PTPRD: variants seen among roughly 807,000 people sequenced by gnomAD.
PTPRD encodes protein tyrosine phosphatase receptor type D, also known as receptor-type tyrosine-protein phosphatase delta.
PTPRD carries 34 observed loss-of-function variants against 214.5 expected under a neutral mutation model. The ratio of observed to expected loss-of-function variants is 0.16; its 90% CI spans 0.12 to 0.21. PTPRD has a LOEUF of 0.21. Among genes scored for constraint, PTPRD ranks in the 10% least tolerant of loss-of-function variants. PTPRD has a pLI of 1.00. For synonymous variants in PTPRD, 1,128 were observed against 845.7 expected, an observed-to-expected ratio of 1.33 and a Z score of -5.79; for missense variants, 2,545 against 2,398.7, an observed-to-expected ratio of 1.06 and a Z score of -1.27.
chr9:8,643,626 C>A (rs552328156), intron 12 of PTPRD, among the ~76,000 whole-genome samples: 5 of 152,250 alleles, frequency 3.3e-5, no homozygotes, highest in African/African-American at 4.8e-5. Context: ...CCTGCCACCA[C>A]TGCTCGCAGC....
intron 4 of PTPRD, among the ~76,000 whole-genome samples, chr9:9,967,122 C>T (rs965840059): frequency 7.9e-5 from 12 of 152,158 alleles, no homozygotes; most frequent in African/African-American, 2.4e-4. Flanking sequence ...GTTCTGTAGT[C>T]AGTCTGCCTG....
At chr9:10,004,477 C>T (rs896969563) in intron 4 of PTPRD, among the ~76,000 whole-genome samples, 10 of 151,844 alleles carry the variant, frequency 6.6e-5, no homozygotes, top group Non-Finnish European at 1.5e-4. Flanking sequence ...TTTCTTTTCA[C>T]ATAAAAATAT....
intron 4 of PTPRD, among the ~76,000 whole-genome samples, chr9:10,020,405 G>A (rs1324956650): frequency 6.8e-6 from 1 of 146,396 alleles, no homozygotes; most frequent in East Asian, 2.0e-4. Flanking sequence ...GGGTTCAAGC[G>A]ATTCTCTTGC....
intron 3 of PTPRD, among the ~76,000 whole-genome samples, chr9:10,239,421 T>C (rs2254561): frequency 0.99 from 150,376 of 152,072 alleles, 74,361 homozygotes; most frequent in Non-Finnish European, 1. Flanking sequence ...CAAGCATTAA[T>C]AAAATAAAAG....
intron 41 of PTPRD, among the ~76,000 whole-genome samples, chr9:8,340,868 T>C (rs1430279981): frequency 6.6e-6 from 1 of 152,088 alleles, no homozygotes; most frequent in Non-Finnish European, 1.5e-5. Context: ...ACATATCCAA[T>C]TGGCTTATGA....
intron 2 of PTPRD, among the ~76,000 whole-genome samples, chr9:10,382,286 T>C (rs1279749057): frequency 6.6e-6 from 1 of 152,000 alleles, no homozygotes; most frequent in East Asian, 1.9e-4. Flanking sequence ...GTTTGTATTC[T>C]TCTTCTTATG....
intron 8 of PTPRD, among the ~76,000 whole-genome samples, chr9:9,488,382 C>T (rs1589694952): frequency 6.6e-6 from 1 of 152,100 alleles, no homozygotes; most frequent in East Asian, 1.9e-4. Context: ...TGATGCCATA[C>T]TTTCCAGTAT....
rs1007239852 is a variant in PTPRD at position 9,370,600 on chromosome 9, T to C, written c.-203+26849A>G. ...CCTCTTTTCCTAATTGAATACCCTT[T>C]ATTTCCTTCTCCTGCCTGATTGCCC... On this transcript the variant is annotated intron_variant, in intron 9 of 45. Transcript: ENST00000381196. Among the ~76,000 whole-genome samples, 6 of 151,558 alleles carry C rather than the reference T, an allele frequency of 4.0e-5. No individual in the cohort carries two copies. The South Asian group carries it at 8.3e-4, about 21-fold the overall frequency.
chr9:9,877,803 G>A (rs2067311188), intron 5 of PTPRD, among the ~76,000 whole-genome samples: 1 of 151,810 alleles, frequency 6.6e-6, no homozygotes, highest in Admixed American at 6.6e-5. Context: ...GGAGAAACCT[G>A]TCTCTACTGA....
At chr9:8,472,074 G>A (rs1421762105) in intron 30 of PTPRD, among the ~76,000 whole-genome samples, 1 of 152,076 alleles carries the variant, frequency 6.6e-6, no homozygotes, top group Non-Finnish European at 1.5e-5. Context: ...AAGGCTACAA[G>A]GACTGGTCAC....
intron 17 of PTPRD, 130 bp from the exon 18 acceptor site, chr9:8,525,165 T>C: frequency 1.2e-6 from 1 of 803,794 alleles, no homozygotes. Flanking sequence ...TTCAATCTCT[T>C]GCTAAGTTGC....
intron 3 of PTPRD, among the ~76,000 whole-genome samples, chr9:10,134,329 G>T (rs1375495158): frequency 6.6e-6 from 1 of 152,144 alleles, no homozygotes; most frequent in Non-Finnish European, 1.5e-5. Flanking sequence ...TATGGGTGTG[G>T]CACCAGTGAT....
chr9:8,825,644 G>A (rs1196877938), intron 11 of PTPRD, among the ~76,000 whole-genome samples: 1 of 152,206 alleles, frequency 6.6e-6, no homozygotes, highest in Admixed American at 6.5e-5. Context: ...AGTGTAAAGT[G>A]AAAGTAAGTT....
At chr9:10,140,902 T>C (rs866244251) in intron 3 of PTPRD, among the ~76,000 whole-genome samples, 16 of 151,874 alleles carry the variant, frequency 1.1e-4, no homozygotes, top group Non-Finnish European at 1.2e-4. Flanking sequence ...TTATCCACCA[T>C]GATCAAGTGG....
chr9:9,143,484 T>C (rs2099863621), intron 10 of PTPRD, among the ~76,000 whole-genome samples: 1 of 152,202 alleles, frequency 6.6e-6, no homozygotes. Flanking sequence ...AGATCAGGCA[T>C]TGAAAGGGAG....
chr9:9,895,358 T>C (rs2074652029), intron 5 of PTPRD, among the ~76,000 whole-genome samples: 1 of 149,328 alleles, frequency 6.7e-6, no homozygotes, highest in African/African-American at 2.6e-5. Context: ...AGGAAAGAGA[T>C]GGAGATAAGC....
At chr9:8,924,359 T>C (rs1256903870) in intron 11 of PTPRD, among the ~76,000 whole-genome samples, 1 of 152,106 alleles carries the variant, frequency 6.6e-6, no homozygotes, top group Non-Finnish European at 1.5e-5. Flanking sequence ...CAAGGAGAGG[T>C]AGGAAGAAAA....
intron 10 of PTPRD, among the ~76,000 whole-genome samples, chr9:9,115,957 A>G (rs2099811977): frequency 6.6e-6 from 1 of 152,178 alleles, no homozygotes; most frequent in Non-Finnish European, 1.5e-5. Flanking sequence ...TCCTAAGATA[A>G]TTAGCACAGG....
At chr9:9,263,915 A>T (rs1314177170) in intron 9 of PTPRD, among the ~76,000 whole-genome samples, 5 of 151,578 alleles carry the variant, frequency 3.3e-5, no homozygotes, top group Non-Finnish European at 5.9e-5. Flanking sequence ...CCCTGTAATT[A>T]AAAGTTGAAG....
Sources: allele counts gnomAD v4.1 joint callset (sites outside exome capture counted in the v4.1 genomes callset), GRCh38; gene constraint gnomAD v4.1.1; transcripts MANE v1.5; gene names NCBI Gene and HGNC (gene_info 2026-07-23, HGNC 2026-07-21).